The following MAGI1 variants were observed in gnomAD, a reference collection of about 807,000 sequenced individuals.
MAGI1 encodes membrane-associated guanylate kinase, WW and PDZ domain-containing protein 1.
A neutral mutation model predicts 139.9 loss-of-function variants in MAGI1; 58 were observed. The observed-to-expected ratio is 0.41, with a 90% CI of 0.34 to 0.52. MAGI1 has a LOEUF of 0.52. Ranked by LOEUF, MAGI1 falls within the 20% of genes least tolerant of loss-of-function variation. The pLI is 0.12. For synonymous variants in MAGI1, 812 were observed against 737.9 expected, an observed-to-expected ratio of 1.10 and a Z score of -1.63; for missense variants, 1,874 against 1,901.6, an observed-to-expected ratio of 0.99 and a Z score of 0.27.
chr3:65,801,918 C>A (rs1388683996), intron 1 of MAGI1, among the ~76,000 whole-genome samples: 1 of 152,096 alleles, frequency 6.6e-6, no homozygotes, highest in Non-Finnish European at 1.5e-5. Context: ...CTGAGCTGGG[C>A]CTCCTGTGAT....
chr3:65,733,145 G>A (rs1473504192), intron 1 of MAGI1, among the ~76,000 whole-genome samples: 7 of 151,998 alleles, frequency 4.6e-5, no homozygotes, highest in African/African-American at 9.7e-5. Flanking sequence ...TGCAACCTCC[G>A]CCTCCTGGGT....
At chr3:65,698,406 C>G (rs2089362677) in intron 1 of MAGI1, among the ~76,000 whole-genome samples, 1 of 148,376 alleles carries the variant, frequency 6.7e-6, no homozygotes, top group Non-Finnish European at 1.5e-5. Flanking sequence ...AAAAAAGAGC[C>G]CGCATCACCA....
rs574021641 is a variant in MAGI1 at position 65,700,103 on chromosome 3, A to G, written c.314-78015T>C. On this transcript the variant is annotated intron_variant, in intron 1 of 22. Coordinates refer to ENST00000402939, the MANE Select transcript of MAGI1 (RefSeq NM_001033057.2). The stretch of plus-strand genomic sequence containing the variant: ...CAATTTTGACATTTTTGGTTTGTAC[A>G]TTAAAAATATGACATTCCTTATAAG... Among the ~76,000 whole-genome samples the G allele has an allele frequency of 2.0e-5, 3 of 152,228 alleles. No individual in the cohort carries two copies. In the South Asian group the frequency reaches 6.2e-4, roughly 32 times the overall value.
At chr3:65,688,401 A>G in intron 1 of MAGI1, 1 of 550,412 alleles carries the variant, frequency 1.8e-6, no homozygotes, top group Non-Finnish European at 3.5e-6. Flanking sequence ...AAGGAAAGGG[A>G]GGAAGAAGAG....
At chr3:65,997,111 G>C (rs906842368) in intron 1 of MAGI1, among the ~76,000 whole-genome samples, 2 of 152,050 alleles carry the variant, frequency 1.3e-5, no homozygotes, top group Non-Finnish European at 2.9e-5. Context: ...CATTCCCCAG[G>C]GAATGGTTTT....
At chr3:65,903,190 C>G (rs905597873) in intron 1 of MAGI1, among the ~76,000 whole-genome samples, 3 of 152,164 alleles carry the variant, frequency 2.0e-5, no homozygotes, top group African/African-American at 7.2e-5. Context: ...TAGACAGGGT[C>G]TCTATGGTGC....
At chr3:65,838,956 A>G (rs2108328606) in intron 1 of MAGI1, among the ~76,000 whole-genome samples, 1 of 152,222 alleles carries the variant, frequency 6.6e-6, no homozygotes, top group African/African-American at 2.4e-5. Context: ...CTTAATTTGC[A>G]TTTCCCTAAT....
chr3:65,652,132 C>T (rs1416248514), intron 1 of MAGI1, among the ~76,000 whole-genome samples: 1 of 152,134 alleles, frequency 6.6e-6, no homozygotes, highest in Admixed American at 6.5e-5. Context: ...CTAGACTAGT[C>T]ACGCCTGTGC....
At chr3:65,600,349 T>G (rs1160010639) in intron 2 of MAGI1, among the ~76,000 whole-genome samples, 1 of 152,176 alleles carries the variant, frequency 6.6e-6, no homozygotes, top group African/African-American at 2.4e-5. Flanking sequence ...TCATTTTGGT[T>G]AGGAAATATC....
At chr3:65,386,936 C>T (rs1321220306) in intron 14 of MAGI1, among the ~76,000 whole-genome samples, 2 of 152,168 alleles carry the variant, frequency 1.3e-5, no homozygotes, top group Non-Finnish European at 2.9e-5. Flanking sequence ...TAACACATTT[C>T]CAGACTTGAC....
chr3:65,422,221 T>G (rs763256014), intron 12 of MAGI1, among the ~76,000 whole-genome samples: 7 of 152,202 alleles, frequency 4.6e-5, no homozygotes, highest in Non-Finnish European at 1.0e-4. Context: ...AACTGAAATT[T>G]AAATCTTACA....
intron 1 of MAGI1, among the ~76,000 whole-genome samples, chr3:65,818,702 T>C (rs1024726604): frequency 2.8e-4 from 42 of 152,124 alleles, no homozygotes; most frequent in Non-Finnish European, 4.3e-4. Flanking sequence ...CAGGAAGTAG[T>C]CACTGAAGAA....
At chr3:65,835,026 T>C (rs1316431100) in intron 1 of MAGI1, among the ~76,000 whole-genome samples, 1 of 152,214 alleles carries the variant, frequency 6.6e-6, no homozygotes, top group Non-Finnish European at 1.5e-5. Context: ...CATGTTTTAG[T>C]CCACGCTGCC....
chr3:65,616,774 C>T (rs78970665), intron 2 of MAGI1, among the ~76,000 whole-genome samples: 1 of 152,156 alleles, frequency 6.6e-6, no homozygotes, highest in Non-Finnish European at 1.5e-5. Flanking sequence ...CCACCAGTGT[C>T]CAACACAACC....
chr3:65,471,365 T>C (rs1950550486), intron 4 of MAGI1, among the ~76,000 whole-genome samples: 1 of 152,184 alleles, frequency 6.6e-6, no homozygotes, highest in Non-Finnish European at 1.5e-5. Flanking sequence ...TGAATTTCTA[T>C]CTCCCACAGT....
Position 66,038,388 on chromosome 3 carries a change from G to C in MAGI1, c.-80C>G. On this transcript the variant is annotated 5_prime_UTR_variant, in exon 1 of 23. Coordinates refer to ENST00000402939, the MANE Select transcript of MAGI1 (RefSeq NM_001033057.2). ...AGCACGAGCCCCCAAGCCTCCGCTT[G>C]TTCATGGGAGAAACATCTCTCCCCA... is the stretch of plus-strand genomic sequence containing the variant. 5 of 1,489,664 alleles carry C rather than the reference G, an allele frequency of 3.4e-6. No individual in the cohort carries two copies. The highest frequency in any genetic ancestry group is 4.4e-6 in the Non-Finnish European group (5 of 1,125,432). 92.3% of individuals were successfully genotyped at this position (1,489,664 alleles called of 1,614,324 possible).
At chr3:65,835,442 T>G (rs1297372022) in intron 1 of MAGI1, among the ~76,000 whole-genome samples, 1 of 152,236 alleles carries the variant, frequency 6.6e-6, no homozygotes, top group Non-Finnish European at 1.5e-5. Context: ...CAAGTTAACT[T>G]GTATCAAGCA....
intron 2 of MAGI1, among the ~76,000 whole-genome samples, chr3:65,539,985 A>G (rs1352184530): frequency 1.3e-5 from 2 of 152,188 alleles, no homozygotes; most frequent in Non-Finnish European, 2.9e-5. Flanking sequence ...CAGGCAAGTA[A>G]GGTAACCTCT....
chr3:65,721,637 T>G (rs2107689693), intron 1 of MAGI1, among the ~76,000 whole-genome samples: 1 of 152,290 alleles, frequency 6.6e-6, no homozygotes, highest in East Asian at 1.9e-4. Flanking sequence ...AATGGATGCC[T>G]CTGGGTGTTG....
Sources: gnomAD v4.1 joint callset for allele counts (sites outside exome capture counted in the v4.1 genomes callset) on GRCh38, gnomAD v4.1.1 for gene constraint, MANE v1.5 for transcripts, NCBI Gene and HGNC (gene_info 2026-07-23, HGNC 2026-07-21) for gene names.